MEIS2: variants seen among roughly 807,000 people sequenced by gnomAD.
MEIS2 encodes the protein homeobox protein Meis2.
MEIS2 carries 9 observed loss-of-function variants against 58.6 expected under a neutral mutation model. That is an observed-to-expected ratio of 0.15 (90% CI 0.09 to 0.27). The LOEUF (loss-of-function observed/expected upper bound fraction) is 0.27. Ranked by LOEUF, MEIS2 falls within the 10% of genes least tolerant of loss-of-function variation. MEIS2 has a pLI of 1.00. For missense variants in MEIS2, 427 were observed against 635.0 expected (o/e 0.67, Z 3.52); for synonymous variants, 221 against 228.4 (o/e 0.97, Z 0.29).
At chr15:37,051,416 A>T (rs2062914243) in intron 7 of MEIS2, among the ~76,000 whole-genome samples, 1 of 152,216 alleles carries the variant, frequency 6.6e-6, no homozygotes, top group African/African-American at 2.4e-5. Context: ...ATGCAAACTT[A>T]TACATAATGA....
At position 37,087,436 on chromosome 15, in the gene MEIS2, C is replaced by T. The variant is rs114098023; in HGVS notation, c.640-3551G>A. The stretch of plus-strand genomic sequence containing the variant: ...TATTTGCTGGGCTACAGACTCACAG[C>T]TGATAATGCAAGTTGTAATTAATAT... On this transcript the variant is annotated intron_variant, in intron 6 of 11. Coordinates refer to ENST00000561208, the MANE Select transcript of MEIS2 (RefSeq NM_170675.5). Among the ~76,000 whole-genome samples, 122 of 152,240 alleles carry T rather than the reference C, an allele frequency of 8.0e-4. 1 individual carries two copies. Among genetic ancestry groups the T allele is most frequent in the African/African-American group, 2.7e-3 (113 of 41,544 alleles).
intron 9 of MEIS2, among the ~76,000 whole-genome samples, chr15:36,930,652 C>T (rs2057941226): frequency 6.7e-6 from 1 of 149,436 alleles, no homozygotes; most frequent in Admixed American, 6.6e-5. Flanking sequence ...TTTCTGAAGT[C>T]ATAAGCAAAA....
chr15:37,013,008 A>G (rs1398898989), intron 8 of MEIS2, among the ~76,000 whole-genome samples: 2 of 152,188 alleles, frequency 1.3e-5, no homozygotes, highest in East Asian at 3.9e-4. Flanking sequence ...AACAGAAAAA[A>G]AGAAGGATGA....
chr15:36,924,154 A>G (rs2057642459), intron 9 of MEIS2, among the ~76,000 whole-genome samples: 3 of 152,218 alleles, frequency 2.0e-5, no homozygotes, highest in Admixed American at 1.3e-4. Flanking sequence ...AAGAGTAGAT[A>G]TACAGTGGGC....
chr15:37,002,878 G>A (rs1383238150), intron 8 of MEIS2, among the ~76,000 whole-genome samples: 1 of 152,102 alleles, frequency 6.6e-6, no homozygotes, highest in Admixed American at 6.5e-5. Context: ...TCAATTGGAA[G>A]ATTTCTAAGA....
At chr15:37,075,428 A>C (rs532675522) in intron 7 of MEIS2, among the ~76,000 whole-genome samples, 6 of 152,216 alleles carry the variant, frequency 3.9e-5, no homozygotes, top group African/African-American at 1.4e-4. Flanking sequence ...ACATAAGTTC[A>C]GTAAAACAAA....
At chr15:37,101,284 G>C (rs1465237360), upstream of MEIS2, 5 of 148,552 alleles carry the variant, frequency 3.4e-5, no homozygotes, top group Non-Finnish European at 3.0e-5. Context: ...CAGTCATCTG[G>C]GTCCGATGTA....
intron 8 of MEIS2, among the ~76,000 whole-genome samples, chr15:37,015,231 C>T (rs949446341): frequency 1.3e-5 from 2 of 152,174 alleles, no homozygotes; most frequent in African/African-American, 4.8e-5. Flanking sequence ...AAATCAGAGC[C>T]TGTCACGGCA....
intron 9 of MEIS2, among the ~76,000 whole-genome samples, chr15:36,920,494 TAG>T (rs2057462263): frequency 6.6e-6 from 1 of 152,214 alleles, no homozygotes; most frequent in South Asian, 2.1e-4. Flanking sequence ...AAAGAATTCT[TAG>T]AGATCTTAGA....
rs1481495476 is a variant in MEIS2, at chr15:36,892,256, T to G, written c.1351A>C (p.Thr451Pro). 6.2e-7 allele frequency: 1 copy of G among 1,614,152 alleles called. No individual in the cohort carries two copies. The highest frequency in any genetic ancestry group is 1.1e-5 in the South Asian group (1 of 91,068). ...ATTGTGGGGCTCTGTGCTGACATAG[T>G]CATTCCAGGGTGGGTAGGGGGTCCT... ...HGGPPTHPGMTMSAQSPTMLN... is the reference protein window; with the variant it reads ...HGGPPTHPGMPMSAQSPTMLN... The change falls in exon 12 of 12, where the codon ACT becomes CCT. Residue 451 changes from threonine (T) to proline (P), a missense_variant. Transcript: ENST00000561208.
At chr15:36,972,479 A>G (rs1455735246) in intron 8 of MEIS2, among the ~76,000 whole-genome samples, 3 of 151,988 alleles carry the variant, frequency 2.0e-5, no homozygotes, top group African/African-American at 7.2e-5. Context: ...CTGGTCTCGA[A>G]CTCCTGACCT....
chr15:37,005,577 T>C (rs1175772676), intron 8 of MEIS2, among the ~76,000 whole-genome samples: 2 of 152,192 alleles, frequency 1.3e-5, no homozygotes, highest in Non-Finnish European at 2.9e-5. Flanking sequence ...GGAACTTTTT[T>C]TTTTGAGATA....
chr15:37,059,591 A>T (rs1888906133), intron 7 of MEIS2, among the ~76,000 whole-genome samples: 1 of 152,076 alleles, frequency 6.6e-6, no homozygotes, highest in African/African-American at 2.4e-5. Context: ...AGGCTTGCAG[A>T]TAAATAAAAT....
intron 1 of MEIS2, chr15:37,098,993 G>A (rs1410401181): frequency 9.7e-5 from 95 of 983,880 alleles, no homozygotes; most frequent in Non-Finnish European, 1.1e-4. Flanking sequence ...CGGCGGCGCA[G>A]CGGCTGCGGC....
intron 8 of MEIS2, among the ~76,000 whole-genome samples, chr15:36,975,467 G>T: frequency 2.0e-5 from 1 of 49,136 alleles, no homozygotes; most frequent in Non-Finnish European, 3.7e-5. Context: ...TAAAAAATAA[G>T]GGTTTTTTTT....
chr15:37,091,508 G>T (rs891619101), intron 6 of MEIS2, among the ~76,000 whole-genome samples: 2 of 152,126 alleles, frequency 1.3e-5, no homozygotes, highest in Non-Finnish European at 1.5e-5. Flanking sequence ...TAAATCAGTT[G>T]TCATATTTAC....
intron 8 of MEIS2, among the ~76,000 whole-genome samples, chr15:36,975,086 T>C (rs1178449894): frequency 6.6e-6 from 1 of 152,214 alleles, no homozygotes. Flanking sequence ...TATAGCCACG[T>C]TACTTATCAC....
At chr15:37,013,294 G>A (rs2061228564) in intron 8 of MEIS2, among the ~76,000 whole-genome samples, 2 of 152,164 alleles carry the variant, frequency 1.3e-5, no homozygotes, top group Admixed American at 1.3e-4. Context: ...TTTAAGGCCA[G>A]GCACCGTGGC....
At chr15:36,963,651 C>G (rs779250992) in intron 8 of MEIS2, among the ~76,000 whole-genome samples, 8 of 152,208 alleles carry the variant, frequency 5.3e-5, no homozygotes, top group Non-Finnish European at 1.2e-4. Context: ...GAACATACTA[C>G]TACAAGGAAT....
Sources: gnomAD v4.1 joint callset for allele counts (sites outside exome capture counted in the v4.1 genomes callset) on GRCh38, gnomAD v4.1.1 for gene constraint, MANE v1.5 for transcripts, NCBI Gene and HGNC (gene_info 2026-07-23, HGNC 2026-07-21) for gene names.